SPG11: variants seen among roughly 807,000 people sequenced by gnomAD.
The protein encoded by SPG11 is spatacsin.
In SPG11, 222 loss-of-function variants were observed where a neutral mutation model predicts 274.0. That is an observed-to-expected ratio of 0.81 (90% CI 0.73 to 0.91). The LOEUF (loss-of-function observed/expected upper bound fraction) is 0.91. Ranked by LOEUF, SPG11 falls within the 40% of genes least tolerant of loss-of-function variation. The pLI is 0.00. For synonymous variants in SPG11, 1,144 were observed against 1,039.7 expected (o/e 1.10, Z -1.93); for missense variants, 3,114 against 2,872.7 (o/e 1.08, Z -1.92).
At chr15:44,565,111 G>T (rs1180319026) in intron 38 of SPG11, among the ~76,000 whole-genome samples, 1 of 152,174 alleles carries the variant, frequency 6.6e-6, no homozygotes, top group African/African-American at 2.4e-5. Flanking sequence ...AGCAGTATGA[G>T]GAACAGTGAA....
At chr15:44,612,242 C>G (rs923774631) in intron 17 of SPG11, among the ~76,000 whole-genome samples, 6 of 152,096 alleles carry the variant, frequency 3.9e-5, no homozygotes, top group African/African-American at 1.4e-4. Context: ...AAGGTAGGAG[C>G]TCAATAAATA....
At position 44,570,544 on chromosome 15, in the gene SPG11, C is replaced by T; in HGVS notation, c.6458G>A (p.Ser2153Asn). Residue 2153 changes from serine (S) to asparagine (N), a missense_variant, in exon 34 of 40, where the codon AGT becomes AAT. Physicochemically the swap from Ser to Asn is conservative, Grantham distance 46 (BLOSUM62 1). Transcript: ENST00000261866. The part of the protein sequence containing the change: ...HMLTDNHLAP[S>N]EEYGLVVRLL... ...ACTTACCACCAGCCCATACTCCTCA[C>T]TGGGGGCCAGGTGGTTATCTGTGAG... 1 of 1,614,110 alleles carries T rather than the reference C, an allele frequency of 6.2e-7. No homozygotes were observed. The highest frequency in any genetic ancestry group is 8.5e-7 in the Non-Finnish European group (1 of 1,179,982).
chr15:44,589,166 T>C (rs1403403559), intron 28 of SPG11, 86 bp downstream of exon 28: 4 of 1,415,334 alleles, frequency 2.8e-6, no homozygotes, highest in Non-Finnish European at 4.0e-6. Context: ...ACATGCATTT[T>C]AATTTCCTAA....
At position 44,596,695 on chromosome 15, in the gene SPG11, T is replaced by C. The variant is rs934084173; in HGVS notation, c.4161+89A>G. The C allele has an allele frequency of 4.3e-4, 244 of 568,542 alleles. 2 individuals carry two copies. Among genetic ancestry groups the C allele is most frequent in the South Asian group, 2.9e-3 (190 of 66,050 alleles). The allele number at this position is 568,542 out of a possible 1,614,324, so 35.2% of individuals were successfully genotyped here. A position where few individuals can be genotyped will look rare whatever the true frequency, so the allele number is the denominator to read the frequency against. ...AAAAAAAAAAAAAAAAAAAAAGGCC[T>C]ATGTCATGTCTACACAACAGAAAGA... is the stretch of plus-strand genomic sequence containing the variant. On this transcript the variant is annotated intron_variant, in intron 24 of 39. Coordinates refer to ENST00000261866, the MANE Select transcript of SPG11 (RefSeq NM_025137.4).
At chr15:44,592,851 G>A (rs2082937937) in intron 26 of SPG11, among the ~76,000 whole-genome samples, 1 of 152,004 alleles carries the variant, frequency 6.6e-6, no homozygotes, top group Non-Finnish European at 1.5e-5. Flanking sequence ...CATTAGCCAA[G>A]TGTGGTGGCA....
chr15:44,563,163 G>A lies in SPG11; in HGVS notation c.7290C>T (p.Asp2430=). ...CCTTTAGACAGCAACCTGTCTGAGGGTCCTTCAGAAGCACATTTACAATTT... is the reference window on the plus strand; with the variant it reads ...CCTTTAGACAGCAACCTGTCTGAGGATCCTTCAGAAGCACATTTACAATTT... ...FYEIVNVLLK[D]PQTGCCLKDM... The change falls in exon 40 of 40, where the codon GAC becomes GAT. Residue 2430 remains aspartate (D), a synonymous_variant. Coordinates refer to ENST00000261866, the MANE Select transcript of SPG11 (RefSeq NM_025137.4). The A allele has an allele frequency of 6.2e-7, 1 of 1,614,166 alleles. No individual in the cohort carries two copies. The highest frequency in any genetic ancestry group is 8.5e-7 in the Non-Finnish European group (1 of 1,180,032).
chr15:44,610,394 T>C (rs2083430760), intron 18 of SPG11, among the ~76,000 whole-genome samples: 1 of 151,926 alleles, frequency 6.6e-6, no homozygotes, highest in African/African-American at 2.4e-5. Flanking sequence ...TTTCTTTTCT[T>C]TTTTTTGAGA....
chr15:44,599,736 A>G (rs62024981), intron 21 of SPG11, among the ~76,000 whole-genome samples: 6,310 of 152,344 alleles, frequency 0.041, 198 homozygotes, highest in Middle Eastern at 0.071. Flanking sequence ...ACAAACCAAT[A>G]AAGTAAATCT....
chr15:44,577,587 C>T (rs1329679183), intron 30 of SPG11, among the ~76,000 whole-genome samples: 1 of 151,920 alleles, frequency 6.6e-6, no homozygotes, highest in Non-Finnish European at 1.5e-5. Context: ...ATGCTATTCC[C>T]CTGCTTAAAT....
At chr15:44,625,213 T>C (rs1431264163) in intron 11 of SPG11, among the ~76,000 whole-genome samples, 1 of 152,034 alleles carries the variant, frequency 6.6e-6, no homozygotes, top group Non-Finnish European at 1.5e-5. Flanking sequence ...GACAGGGTCT[T>C]GCTCTGTTAC....
intron 39 of SPG11, among the ~76,000 whole-genome samples, chr15:44,563,642 T>C (rs1351913072): frequency 6.6e-6 from 1 of 151,920 alleles, no homozygotes; most frequent in East Asian, 1.9e-4. Flanking sequence ...CTGCCCTTTT[T>C]TTTCTCTCTT....
rs193230649 is a variant in SPG11, at chr15:44,614,940, T to C, written c.3038+423A>G. 3.1e-3 allele frequency among the ~76,000 whole-genome samples: 471 copies of C among 152,290 alleles called. 6 individuals are homozygous for C. The highest frequency in any genetic ancestry group is 0.013 in the Admixed American group (196 of 15,286). ...CTTTCTCTGTGCGTGTGTGTGTCTA[T>C]AGAAATATAAATTTTAGAGCATATC... is the stretch of plus-strand genomic sequence containing the variant. On this transcript the variant is annotated intron_variant, in intron 16 of 39. Transcript: ENST00000261866.
intron 21 of SPG11, among the ~76,000 whole-genome samples, chr15:44,599,861 C>CT (rs1276004039): frequency 3.3e-5 from 5 of 152,076 alleles, no homozygotes; most frequent in African/African-American, 9.6e-5. Context: ...ATATAATTCC[C>CT]TTTTTTTAAA....
At chr15:44,576,617 C>G (rs997220263) in intron 30 of SPG11, among the ~76,000 whole-genome samples, 1 of 150,530 alleles carries the variant, frequency 6.6e-6, no homozygotes, top group Non-Finnish European at 1.5e-5. Context: ...CCACTGCACT[C>G]CAGCCTGGGC....
intron 28 of SPG11, among the ~76,000 whole-genome samples, chr15:44,587,796 T>G (rs2082806098): frequency 6.6e-6 from 1 of 151,446 alleles, no homozygotes; most frequent in Non-Finnish European, 1.5e-5. Context: ...TATAAAAAAT[T>G]ATAGAATAAA....
At chr15:44,629,169 A>T in intron 9 of SPG11, 64 bp downstream of exon 9, 7 of 1,558,982 alleles carry the variant, frequency 4.5e-6, no homozygotes, top group Non-Finnish European at 6.2e-6. Context: ...ACCCAATAGC[A>T]GCACTTGTAT....
chr15:44,605,716 T>G (rs564996277), intron 20 of SPG11, among the ~76,000 whole-genome samples: 4 of 152,358 alleles, frequency 2.6e-5, no homozygotes, highest in Admixed American at 2.6e-4. Context: ...ATTTGTTTAA[T>G]GCTGACACCT....
intron 7 of SPG11, among the ~76,000 whole-genome samples, chr15:44,638,234 G>C (rs768503390): frequency 1.4e-4 from 21 of 152,154 alleles, no homozygotes; most frequent in Non-Finnish European, 2.6e-4. Flanking sequence ...GGTCGAGGCG[G>C]GTGGGTCACT....
chr15:44,598,108 T>C (rs1320386487), intron 23 of SPG11, among the ~76,000 whole-genome samples, 157 bp downstream of exon 23: 3 of 152,228 alleles, frequency 2.0e-5, no homozygotes, highest in African/African-American at 7.2e-5. Context: ...AAAATCATTA[T>C]TCATTTACTG....
Sources: allele counts gnomAD v4.1 joint callset (sites outside exome capture counted in the v4.1 genomes callset), GRCh38; gene constraint gnomAD v4.1.1; transcripts MANE v1.5; gene names NCBI Gene and HGNC (gene_info 2026-07-23, HGNC 2026-07-21).